Variants in PDE4D observed in about 807,000 individuals in gnomAD.
PDE4D encodes the protein 3',5'-cyclic-AMP phosphodiesterase 4D.
PDE4D carries 24 observed loss-of-function variants against 87.4 expected under a neutral mutation model. The ratio of observed to expected loss-of-function variants is 0.27; its 90% CI spans 0.20 to 0.39. PDE4D has a LOEUF of 0.39. Ranked by LOEUF, PDE4D falls within the 10% of genes least tolerant of loss-of-function variation. The probability of loss-of-function intolerance (pLI) is 1.00; values close to 1 mark genes in which losing one functional copy is unlikely to be tolerated. For synonymous variants in PDE4D, 384 were observed against 383.2 expected (o/e 1.00, Z -0.02); for missense variants, 714 against 1,041.0 (o/e 0.69, Z 4.32).
At chr5:60,298,747 A>G (rs1477458599) in intron 1 of PDE4D, among the ~76,000 whole-genome samples, 1 of 152,232 alleles carries the variant, frequency 6.6e-6, no homozygotes, top group Admixed American at 6.5e-5. Context: ...AGGATGATTA[A>G]CATCCATTAT....
chr5:59,095,010 A>T (rs535431730), intron 5 of PDE4D, among the ~76,000 whole-genome samples: 1 of 152,070 alleles, frequency 6.6e-6, no homozygotes, highest in Non-Finnish European at 1.5e-5. Flanking sequence ...GAAAAAAAAA[A>T]GTACTATTTT....
Position 59,609,278 on chromosome 5 carries a change from C to T in PDE4D, c.455+283890G>A, listed in dbSNP as rs532610610. ...CTCTTTAAGGCACATGGCAAGATTG[C>T]ACTTTCTTGCCCCTTTGAAGTTAGG... On this transcript the variant is annotated intron_variant, in intron 1 of 14. Coordinates refer to ENST00000340635, the MANE Select transcript of PDE4D (RefSeq NM_001104631.2). 1.8e-3 allele frequency among the ~76,000 whole-genome samples: 276 copies of T among 152,048 alleles called. 1 individual carries two copies. The highest frequency in any genetic ancestry group is 3.6e-3 in the Non-Finnish European group (246 of 67,964).
chr5:60,161,211 C>G (rs1319701675), intron 2 of PDE4D, among the ~76,000 whole-genome samples: 2 of 152,038 alleles, frequency 1.3e-5, no homozygotes, highest in Non-Finnish European at 2.9e-5. Flanking sequence ...TTGTCTCTAC[C>G]TCATACTATT....
At chr5:59,494,413 C>T (rs1446723680) in intron 1 of PDE4D, among the ~76,000 whole-genome samples, 2 of 152,104 alleles carry the variant, frequency 1.3e-5, no homozygotes, top group Admixed American at 1.3e-4. Context: ...AAGTCAGTGT[C>T]CTAATTTGAC....
At chr5:59,484,944 C>T (rs1804860057) in intron 1 of PDE4D, among the ~76,000 whole-genome samples, 1 of 152,186 alleles carries the variant, frequency 6.6e-6, no homozygotes, top group Non-Finnish European at 1.5e-5. Context: ...GCATGAGACT[C>T]AAGCTAATAA....
chr5:59,047,262 T>C (rs1044688116), intron 5 of PDE4D, among the ~76,000 whole-genome samples: 26 of 152,080 alleles, frequency 1.7e-4, no homozygotes, highest in African/African-American at 5.3e-4. Flanking sequence ...GTTTTTAGGG[T>C]AGTTAGAAAG....
intron 1 of PDE4D, among the ~76,000 whole-genome samples, chr5:59,256,367 GGCATGAATTT>G (rs1365947888): frequency 6.6e-5 from 10 of 152,036 alleles, no homozygotes; most frequent in Admixed American, 6.6e-4. Flanking sequence ...CCTTTTAATA[GGCATGAATTT>G]GTTTGAATTC....
chr5:59,342,000 C>T lies in PDE4D; in HGVS notation c.456-126032G>A, dbSNP rs1404490618. On this transcript the variant is annotated intron_variant, in intron 1 of 14. Coordinates refer to ENST00000340635, the MANE Select transcript of PDE4D (RefSeq NM_001104631.2). ...GCGCAGAGGCACCTGAAACAGAGCA[C>T]ACTTAAGGAATTTCATAAATGTCAT... is the stretch of plus-strand genomic sequence containing the variant. 2.0e-5 allele frequency among the ~76,000 whole-genome samples: 3 copies of T among 152,024 alleles called. No individual in the cohort carries two copies. In the East Asian group the frequency reaches 5.8e-4, roughly 29 times the overall value.
chr5:60,503,525 C>T (rs1031399894), intron 1 of PDE4D, among the ~76,000 whole-genome samples: 5 of 152,150 alleles, frequency 3.3e-5, no homozygotes, highest in African/African-American at 1.2e-4. Flanking sequence ...TTACTCCTCC[C>T]TTTATCCCTC....
chr5:60,061,508 A>T (rs1190059125), intron 2 of PDE4D, among the ~76,000 whole-genome samples: 3 of 152,214 alleles, frequency 2.0e-5, no homozygotes, highest in African/African-American at 7.2e-5. Context: ...CATACAGCCC[A>T]AAGTAGTTTA....
intron 1 of PDE4D, among the ~76,000 whole-genome samples, chr5:59,821,432 C>A (rs1451983375): frequency 6.6e-6 from 1 of 151,634 alleles, no homozygotes; most frequent in Non-Finnish European, 1.5e-5. Flanking sequence ...TGGAGACATC[C>A]ATTTACACAC....
At chr5:59,478,939 A>G (rs937390944) in intron 1 of PDE4D, among the ~76,000 whole-genome samples, 5 of 152,134 alleles carry the variant, frequency 3.3e-5, no homozygotes, top group African/African-American at 9.7e-5. Flanking sequence ...AGTAATAAGT[A>G]TCTTAAAATT....
intron 1 of PDE4D, among the ~76,000 whole-genome samples, chr5:60,461,435 A>G (rs1746935650): frequency 6.6e-6 from 1 of 152,258 alleles, no homozygotes; most frequent in Non-Finnish European, 1.5e-5. Flanking sequence ...CCAGGGAAAT[A>G]ATATTGTGTT....
chr5:59,293,967 A>T (rs1768553946), intron 1 of PDE4D, among the ~76,000 whole-genome samples: 1 of 152,174 alleles, frequency 6.6e-6, no homozygotes, highest in Non-Finnish European at 1.5e-5. Context: ...TTAGACGTAT[A>T]AGCAGCCTGC....
chr5:59,929,976 A>G (rs1755711243), intron 3 of PDE4D, among the ~76,000 whole-genome samples: 1 of 152,246 alleles, frequency 6.6e-6, no homozygotes, highest in Non-Finnish European at 1.5e-5. Context: ...ATCTCTGACC[A>G]AAGTATAGTG....
chr5:60,092,601 T>C (rs1244549367), intron 2 of PDE4D, among the ~76,000 whole-genome samples: 1 of 150,644 alleles, frequency 6.6e-6, no homozygotes, highest in Non-Finnish European at 1.5e-5. Flanking sequence ...GAATGGAGGG[T>C]ACTAGGAATA....
At chr5:60,212,341 G>A (rs1251542044) in intron 1 of PDE4D, among the ~76,000 whole-genome samples, 1 of 152,082 alleles carries the variant, frequency 6.6e-6, no homozygotes, top group African/African-American at 2.4e-5. Flanking sequence ...GGGTGTGACT[G>A]ACAAGATTCC....
intron 1 of PDE4D, among the ~76,000 whole-genome samples, chr5:59,690,417 C>T (rs2150401151): frequency 6.6e-6 from 1 of 152,166 alleles, no homozygotes; most frequent in East Asian, 1.9e-4. Context: ...TAATACTACA[C>T]ATCTTCAACC....
chr5:59,477,772 A>G (rs1803550576), intron 1 of PDE4D, among the ~76,000 whole-genome samples: 1 of 152,126 alleles, frequency 6.6e-6, no homozygotes, highest in Non-Finnish European at 1.5e-5. Flanking sequence ...CACACTGTTC[A>G]CAATAGCAAA....
Sources: gnomAD v4.1 joint callset for allele counts (sites outside exome capture counted in the v4.1 genomes callset) on GRCh38, gnomAD v4.1.1 for gene constraint, MANE v1.5 for transcripts, NCBI Gene and HGNC (gene_info 2026-07-23, HGNC 2026-07-21) for gene names.